The following RSPO3 variants were observed in gnomAD, a reference collection of about 807,000 sequenced individuals.
RSPO3 encodes the protein R-spondin 3.
Under a neutral mutation model 36.5 loss-of-function variants are expected in RSPO3, and 17 were observed. That is an observed-to-expected ratio of 0.47 (90% CI 0.32 to 0.70). The LOEUF is 0.70. RSPO3 is among the 30% of genes least tolerant of loss of function. RSPO3 has a pLI of 0.04. For synonymous variants in RSPO3, 108 were observed against 107.0 expected (o/e 1.01, Z -0.06); for missense variants, 294 against 322.5 (o/e 0.91, Z 0.68).
chr6:127,124,646 AT>A (rs1427862880), intron 1 of RSPO3, among the ~76,000 whole-genome samples: 1 of 151,844 alleles, frequency 6.6e-6, no homozygotes, highest in East Asian at 1.9e-4. Context: ...GTTTCACATG[AT>A]TGAATATCTT....
chr6:127,121,538 TG>T (rs1214316601), intron 1 of RSPO3, among the ~76,000 whole-genome samples: 1 of 152,140 alleles, frequency 6.6e-6, no homozygotes, highest in Non-Finnish European at 1.5e-5. Context: ...AGTCTGCGTT[TG>T]CGGCTTGGTT....
chr6:127,136,985 T>G (rs1038216849), intron 1 of RSPO3, among the ~76,000 whole-genome samples: 2 of 152,192 alleles, frequency 1.3e-5, no homozygotes, highest in South Asian at 4.1e-4. Context: ...CATCAAGCAT[T>G]GTTTGGCAAA....
At position 127,195,865 on chromosome 6, in the gene RSPO3, G is replaced by T; in HGVS notation, c.677G>T (p.Gly226Val). Residue 226 changes from glycine (G) to valine (V), a missense_variant, in exon 5 of 5, where the codon GGA becomes GTA. Around this residue, in one of 3 missense-constraint regions of RSPO3, gnomAD observed 190 missense variants for 185.2 expected, o/e 1.03. Coordinates refer to ENST00000356698, the MANE Select transcript of RSPO3 (RefSeq NM_032784.5). ...AGGAAAAGAAAAAAACCTAATAAAG[G>T]AGAAAGTAAAGAAGCAATACCTGAC... ...RERKRKKPNK[G>V]ESKEAIPDSK... 6.2e-7 allele frequency: 1 copy of T among 1,600,458 alleles called. No homozygotes were observed. The highest frequency in any genetic ancestry group is 1.1e-5 in the South Asian group (1 of 88,508).
At position 127,180,487 on chromosome 6, in the gene RSPO3, C is replaced by CAAAA. The variant is rs71543112; in HGVS notation, c.635-15311_635-15308dup. On this transcript the variant is annotated intron_variant, in intron 4 of 4. Transcript: ENST00000356698. ...AAAGTGGAAAATATCTGGAAGAAAA[C>CAAAA]AAAAAAAAAAAAAAAAAAAAAAAAA... Among the ~76,000 whole-genome samples the CAAAA allele has an allele frequency of 6.6e-4, 28 of 42,646 alleles. 1 individual carries two copies. Among genetic ancestry groups the CAAAA allele is most frequent in the Middle Eastern group, 0.026 (1 of 38 alleles). The allele number at this position is 42,646 out of a possible 152,430, so 28.0% of individuals were successfully genotyped here. A position where few individuals can be genotyped will look rare whatever the true frequency, so the allele number is the denominator to read the frequency against.
intron 1 of RSPO3, among the ~76,000 whole-genome samples, chr6:127,120,369 C>A (rs773112291): frequency 6.6e-6 from 1 of 152,134 alleles, no homozygotes; most frequent in South Asian, 2.1e-4. Flanking sequence ...TGGTTGGGGG[C>A]GCTGGTGGAG....
At chr6:127,176,801 T>C (rs868203221) in intron 4 of RSPO3, among the ~76,000 whole-genome samples, 6 of 151,942 alleles carry the variant, frequency 3.9e-5, no homozygotes, top group South Asian at 2.1e-4. Flanking sequence ...AGGTACCTGA[T>C]ACCTGTTGCA....
At chr6:127,182,589 C>A (rs1306742807) in intron 4 of RSPO3, among the ~76,000 whole-genome samples, 1 of 151,894 alleles carries the variant, frequency 6.6e-6, no homozygotes, top group Non-Finnish European at 1.5e-5. Context: ...ATTTTCAGCT[C>A]ATTTGCTTAA....
chr6:127,163,449 G>T (rs1198411164), intron 4 of RSPO3, among the ~76,000 whole-genome samples: 1 of 152,118 alleles, frequency 6.6e-6, no homozygotes, highest in African/African-American at 2.4e-5. Context: ...GAAAGGAGTT[G>T]ATGCCTTATC....
intron 1 of RSPO3, among the ~76,000 whole-genome samples, chr6:127,137,618 C>G (rs1774186088): frequency 6.6e-6 from 1 of 152,098 alleles, no homozygotes; most frequent in African/African-American, 2.4e-5. Flanking sequence ...CTTCAAGAGC[C>G]CTTTAAATTC....
At chr6:127,160,343 G>A (rs571918008) in intron 4 of RSPO3, among the ~76,000 whole-genome samples, 1 of 152,246 alleles carries the variant, frequency 6.6e-6, no homozygotes, top group South Asian at 2.1e-4. Context: ...AAAGAATGTA[G>A]GCACTACCAA....
At chr6:127,124,444 A>G (rs1773901721) in intron 1 of RSPO3, among the ~76,000 whole-genome samples, 1 of 152,094 alleles carries the variant, frequency 6.6e-6, no homozygotes, top group Admixed American at 6.5e-5. Flanking sequence ...CATGCAAGAC[A>G]GTGTGTTGAA....
chr6:127,121,439 T>G lies in RSPO3; in HGVS notation c.97+2150T>G, dbSNP rs544883865. On this transcript the variant is annotated intron_variant, in intron 1 of 4. Coordinates refer to ENST00000356698, the MANE Select transcript of RSPO3 (RefSeq NM_032784.5). ...TGTGTTGAGGGGATGAAAGAAGGAA[T>G]AGTGGAACTGGGTTGCAATTCCAAT... Among the ~76,000 whole-genome samples the G allele has an allele frequency of 5.9e-5, 9 of 152,288 alleles. No individual in the cohort carries two copies. The South Asian group carries it at 1.9e-3, about 32-fold the overall frequency.
chr6:127,180,664 T>C (rs950609739), intron 4 of RSPO3, among the ~76,000 whole-genome samples: 1 of 151,704 alleles, frequency 6.6e-6, no homozygotes, highest in Middle Eastern at 3.2e-3. Flanking sequence ...TCATCAAACA[T>C]CTTAAAGGAA....
intron 4 of RSPO3, among the ~76,000 whole-genome samples, chr6:127,179,803 C>T (rs1775144684): frequency 6.6e-6 from 1 of 151,782 alleles, no homozygotes; most frequent in Non-Finnish European, 1.5e-5. Flanking sequence ...GCTCACAATC[C>T]TTGGTTCATG....
In RSPO3 at chr6:127,198,930, G is replaced by A. The variant is rs1160669765; in HGVS notation, c.*2923G>A. On this transcript the variant is annotated 3_prime_UTR_variant, in exon 5 of 5. Transcript: ENST00000356698. ...AATGTATAGGCTCTCAGAGGAGACA[G>A]ATTTAACTCTGCTTCTCTAATGTTA... Among the ~76,000 whole-genome samples, 1 of 152,206 alleles carries A rather than the reference G, an allele frequency of 6.6e-6. No homozygotes were observed. The highest frequency in any genetic ancestry group is 1.9e-4 in the East Asian group (1 of 5,198).
chr6:127,131,994 G>T (rs1774068507), intron 1 of RSPO3, among the ~76,000 whole-genome samples: 1 of 152,062 alleles, frequency 6.6e-6, no homozygotes, highest in African/African-American at 2.4e-5. Context: ...TACTTGAATT[G>T]CTCTGGGCAC....
rs555052639 is a variant in RSPO3, at chr6:127,129,404, C to T, written c.97+10115C>T. 3.3e-5 allele frequency among the ~76,000 whole-genome samples: 5 copies of T among 152,084 alleles called. No homozygotes were observed. In the East Asian group the frequency reaches 7.7e-4, roughly 24 times the overall value. ...TCTGGGCTTCCTGACAGACTTAATC[C>T]TGCTAGTTAAGGGGGCTCTTTGGGA... On this transcript the variant is annotated intron_variant, in intron 1 of 4. Transcript: ENST00000356698.
intron 1 of RSPO3, among the ~76,000 whole-genome samples, chr6:127,132,407 T>C (rs1434151381): frequency 6.6e-6 from 1 of 152,100 alleles, no homozygotes; most frequent in Non-Finnish European, 1.5e-5. Context: ...GTTATCTCTA[T>C]ACAGATTAGT....
chr6:127,174,218 C>G (rs572964828), intron 4 of RSPO3, among the ~76,000 whole-genome samples: 1 of 151,922 alleles, frequency 6.6e-6, no homozygotes, highest in South Asian at 2.1e-4. Flanking sequence ...TAGTCAGGAA[C>G]ACATGGATAT....
Sources: gnomAD v4.1 joint callset for allele counts (sites outside exome capture counted in the v4.1 genomes callset) on GRCh38, gnomAD v4.1.1 for gene constraint, gnomAD v4.1.1 regional missense constraint, MANE v1.5 for transcripts, NCBI Gene and HGNC (gene_info 2026-07-23, HGNC 2026-07-21) for gene names.